EPG5: variants seen among roughly 807,000 people sequenced by gnomAD.
EPG5 encodes ectopic P-granules 5 autophagy tethering factor, also known as ectopic P granules protein 5 homolog.
Under a neutral mutation model 302.7 loss-of-function variants are expected in EPG5, and 159 were observed. That is an observed-to-expected ratio of 0.53 (90% CI 0.46 to 0.60). The LOEUF (loss-of-function observed/expected upper bound fraction) is 0.60. Among genes scored for constraint, EPG5 ranks in the 20% least tolerant of loss-of-function variants. The pLI is 0.00. For synonymous variants in EPG5, 1,158 were observed against 1,136.8 expected (o/e 1.02, Z -0.37); for missense variants, 2,896 against 3,092.4 (o/e 0.94, Z 1.51).
chr18:45,834,698 C>T, the EPG5 span, among the ~76,000 whole-genome samples: 2 of 152,344 alleles, frequency 1.3e-5, no homozygotes, highest in African/African-American at 2.4e-5. Flanking sequence ...ACCTTTGTCA[C>T]CACAGCTCGT....
chr18:45,860,408 G>C, intron 39 of EPG5, 62 bp from the exon 40 acceptor site: 1 of 1,598,170 alleles, frequency 6.3e-7, no homozygotes, highest in Non-Finnish European at 8.6e-7. Flanking sequence ...ATGTGATCAG[G>C]AGAATAACAG....
At position 45,952,413 on chromosome 18, in the gene EPG5, G is replaced by A. The variant is rs991123123; in HGVS notation, c.1239C>T (p.His413=). The change falls in exon 3 of 44, where the codon CAC becomes CAT. Residue 413 remains histidine, a synonymous_variant. Coordinates refer to ENST00000282041, the MANE Select transcript of EPG5 (RefSeq NM_020964.3). ...SSAVLRSSAI[H]QQGRASKQTE... Reference sequence around the variant, plus strand: ...TTACTTACATACCTCGGCCTTGCTGGTGAATTGCTGAAGATCTCAGAACAG... The same window carrying A: ...TTACTTACATACCTCGGCCTTGCTGATGAATTGCTGAAGATCTCAGAACAG... The A allele has an allele frequency of 1.9e-6, 3 of 1,613,952 alleles. No homozygotes were observed. Among genetic ancestry groups the A allele is most frequent in the Non-Finnish European group, 2.5e-6 (3 of 1,179,994 alleles).
chr18:45,880,542 G>A (rs1030949279), intron 31 of EPG5, among the ~76,000 whole-genome samples: 2 of 152,094 alleles, frequency 1.3e-5, no homozygotes, highest in Non-Finnish European at 2.9e-5. Flanking sequence ...GCCTCTCCTG[G>A]CTGGGGGACC....
At chr18:45,928,281 T>C (rs2050321906) in intron 13 of EPG5, among the ~76,000 whole-genome samples, 1 of 152,004 alleles carries the variant, frequency 6.6e-6, no homozygotes, top group Non-Finnish European at 1.5e-5. Context: ...TAAAATTGAC[T>C]GTGTTGAGAG....
At chr18:45,801,048 T>G in the EPG5 span, among the ~76,000 whole-genome samples, 139 of 152,138 alleles carry the variant, frequency 9.1e-4, 1 homozygote, top group Middle Eastern at 0.024. Flanking sequence ...TGTTTTTCGG[T>G]TTTTTTGAGA....
the EPG5 span, among the ~76,000 whole-genome samples, chr18:45,801,128 C>G: frequency 6.6e-6 from 1 of 152,238 alleles, no homozygotes. Flanking sequence ...CCTCTGCCTC[C>G]TGGGTTCAAG....
chr18:45,963,254 C>T (rs184207854), intron 1 of EPG5, among the ~76,000 whole-genome samples: 69 of 152,154 alleles, frequency 4.5e-4, no homozygotes, highest in South Asian at 1.2e-3. Flanking sequence ...GCTTCTCTGA[C>T]GAAGTACTGT....
chr18:45,937,011 C>A (rs954579247), intron 10 of EPG5, among the ~76,000 whole-genome samples: 10 of 151,968 alleles, frequency 6.6e-5, no homozygotes, highest in African/African-American at 2.2e-4. Context: ...GACTTCTGAA[C>A]AAGAGATTAA....
At chr18:45,904,829 G>A (rs908587338) in intron 24 of EPG5, among the ~76,000 whole-genome samples, 15 of 152,074 alleles carry the variant, frequency 9.9e-5, no homozygotes, top group African/African-American at 3.4e-4. Context: ...AATATGTTTA[G>A]GTATGCTATT....
intron 26 of EPG5, 97 bp downstream of exon 26, chr18:45,900,898 TA>T: frequency 1.5e-6 from 2 of 1,370,072 alleles, no homozygotes; most frequent in Non-Finnish European, 2.0e-6. Context: ...ATCCTCATTG[TA>T]AAAATGCTGA....
At chr18:45,847,315 C>T (rs1004808247), downstream of EPG5, among the ~76,000 whole-genome samples, 1 of 152,172 alleles carries the variant, frequency 6.6e-6, no homozygotes, top group African/African-American at 2.4e-5. Context: ...CCCCCACTCC[C>T]ACCTCATTTG....
At chr18:45,844,731 C>G (rs1419818103), downstream of EPG5, among the ~76,000 whole-genome samples, 1 of 152,088 alleles carries the variant, frequency 6.6e-6, no homozygotes, top group Non-Finnish European at 1.5e-5. Context: ...CATCCAGGAG[C>G]CTGTCTGAGC....
rs2050375937 is a variant in EPG5, at chr18:45,930,542, CTCTA to C, written c.2412+130_2412+133del. On this transcript the variant is annotated intron_variant, in intron 12 of 43. Coordinates refer to ENST00000282041, the MANE Select transcript of EPG5 (RefSeq NM_020964.3). ...GTAGCAAAATAATGTTCCACTGATT[CTCTA>C]TCCCTTCTCTGAAGTGTAGACAGTA... 6.6e-6 allele frequency: 4 copies of C among 609,594 alleles called. No individual in the cohort carries two copies. The South Asian group carries it at 1.2e-4, about 18-fold the overall frequency. The allele number at this position is 609,594 out of a possible 1,614,324, so 37.8% of individuals were successfully genotyped here.
intron 1 of EPG5, among the ~76,000 whole-genome samples, chr18:45,962,083 A>G (rs1034769881): frequency 6.6e-6 from 1 of 152,044 alleles, no homozygotes; most frequent in African/African-American, 2.4e-5. Flanking sequence ...TCTCTTTTAC[A>G]TCCCAAGTGC....
intron 17 of EPG5, 72 bp downstream of exon 17, chr18:45,917,607 C>T: frequency 1.3e-6 from 2 of 1,564,522 alleles, no homozygotes; most frequent in South Asian, 1.2e-5. Flanking sequence ...ACTTAAGAAA[C>T]CAGAAGACAC....
intron 5 of EPG5, among the ~76,000 whole-genome samples, chr18:45,949,103 A>G (rs767580173): frequency 6.6e-6 from 1 of 152,174 alleles, no homozygotes; most frequent in Non-Finnish European, 1.5e-5. Context: ...AATATTAAAG[A>G]ACTTTGAGAT....
chr18:45,831,266 C>T, the EPG5 span, among the ~76,000 whole-genome samples: 1 of 152,200 alleles, frequency 6.6e-6, no homozygotes, highest in Non-Finnish European at 1.5e-5. Context: ...CACTCCTTCT[C>T]CAAATAGTCT....
intron 1 of EPG5, among the ~76,000 whole-genome samples, chr18:45,966,455 T>C (rs2051266126): frequency 6.6e-6 from 1 of 151,982 alleles, no homozygotes; most frequent in Admixed American, 6.6e-5. Flanking sequence ...TATATATGTG[T>C]ACATATGTAT....
At chr18:45,820,653 G>C in the EPG5 span, among the ~76,000 whole-genome samples, 6 of 152,154 alleles carry the variant, frequency 3.9e-5, no homozygotes, top group African/African-American at 1.4e-4. Context: ...CCAGCTGGGG[G>C]TTCATCTTCA....
Sources: gnomAD v4.1 joint callset for allele counts (sites outside exome capture counted in the v4.1 genomes callset) on GRCh38, gnomAD v4.1.1 for gene constraint, MANE v1.5 for transcripts, NCBI Gene and HGNC (gene_info 2026-07-23, HGNC 2026-07-21) for gene names.